GRIK2: variants seen among roughly 807,000 people sequenced by gnomAD.
GRIK2 encodes glutamate ionotropic receptor kainate type subunit 2.
GRIK2 carries 32 observed loss-of-function variants against 100.3 expected under a neutral mutation model. The ratio of observed to expected loss-of-function variants is 0.32; its 90% CI spans 0.24 to 0.43. The LOEUF (loss-of-function observed/expected upper bound fraction) is 0.43. Among genes scored for constraint, GRIK2 ranks in the 20% least tolerant of loss-of-function variants. GRIK2 has a pLI of 1.00. For synonymous variants in GRIK2, 417 were observed against 389.4 expected, an observed-to-expected ratio of 1.07 and a Z score of -0.83; for missense variants, 843 against 1,114.9, an observed-to-expected ratio of 0.76 and a Z score of 3.47.
chr6:101,829,301 A>G (rs1220827597), intron 10 of GRIK2, among the ~76,000 whole-genome samples: 1 of 152,016 alleles, frequency 6.6e-6, no homozygotes, highest in Non-Finnish European at 1.5e-5. Flanking sequence ...CTGACTGGGG[A>G]AAGGTTGGAA....
intron 14 of GRIK2, among the ~76,000 whole-genome samples, chr6:102,000,304 G>T (rs1794872147): frequency 7.0e-6 from 1 of 142,154 alleles, no homozygotes; most frequent in Admixed American, 7.2e-5. Context: ...GATACGGAGG[G>T]TACACATGCA....
In GRIK2 at chr6:101,848,138, A is replaced by G. The variant is rs117393345; in HGVS notation, c.1318-11149A>G. Among the ~76,000 whole-genome samples, 150 of 152,216 alleles carry G rather than the reference A, an allele frequency of 9.9e-4. 1 individual carries two copies. In the East Asian group the frequency reaches 0.027, roughly 27 times the overall value. On this transcript the variant is annotated intron_variant, in intron 10 of 16. Transcript: ENST00000369134. ...ACCTGCATCAGGAATGCAGGCTACT[A>G]TCTTCAAGACTGTTGTGGAGCTGAG...
In GRIK2 at chr6:101,922,054, T is replaced by TCTTCCTTCCTACCTTTCTCCATTTC. The variant is rs147788609; in HGVS notation, c.1749-2536_1749-2512dup. Among the ~76,000 whole-genome samples the TCTTCCTTCCTACCTTTCTCCATTTC allele has an allele frequency of 9.6e-3, 1,249 of 130,134 alleles. 146 individuals are homozygous for TCTTCCTTCCTACCTTTCTCCATTTC. The highest frequency in any genetic ancestry group is 0.024 in the Middle Eastern group (6 of 246). 85.4% of individuals were successfully genotyped at this position (130,134 alleles called of 152,430 possible). On this transcript the variant is annotated intron_variant, in intron 12 of 16. Coordinates refer to ENST00000369134, the MANE Select transcript of GRIK2 (RefSeq NM_021956.5). ...GAAACCAGTGTCAGTGTTCCCAGAT[T>TCTTCCTTCCTACCTTTCTCCATTTC]CTTCCTTCCTACCTTTCTCCATTTC...
intron 14 of GRIK2, among the ~76,000 whole-genome samples, chr6:101,934,110 A>G (rs376872456): frequency 2.6e-5 from 4 of 151,838 alleles, no homozygotes; most frequent in Admixed American, 6.6e-5. Flanking sequence ...GGAAGCAATT[A>G]TCATTATGCT....
intron 5 of GRIK2, among the ~76,000 whole-genome samples, chr6:101,678,843 T>A (rs1033854315): frequency 1.6e-4 from 25 of 152,324 alleles, no homozygotes; most frequent in African/African-American, 6.0e-4. Context: ...TTGTGTAATT[T>A]ATTTAATTTA....
intron 2 of GRIK2, among the ~76,000 whole-genome samples, chr6:101,495,286 A>T (rs1031614471): frequency 2.0e-5 from 3 of 151,782 alleles, no homozygotes; most frequent in Non-Finnish European, 4.4e-5. Flanking sequence ...CGGGTGGATC[A>T]CGAGGTTAGG....
chr6:101,409,832 G>A (rs972032388), intron 2 of GRIK2, among the ~76,000 whole-genome samples: 3 of 151,590 alleles, frequency 2.0e-5, no homozygotes, highest in Admixed American at 2.0e-4. Context: ...GTGTATGTGT[G>A]GAATAAAATA....
intron 2 of GRIK2, among the ~76,000 whole-genome samples, chr6:101,408,401 G>A (rs1007121173): frequency 3.3e-5 from 5 of 151,402 alleles, no homozygotes; most frequent in African/African-American, 1.2e-4. Context: ...AGAGAGAAGA[G>A]GAGGGTGTGG....
chr6:101,828,200 A>T (rs959486085), intron 10 of GRIK2, among the ~76,000 whole-genome samples: 3 of 151,996 alleles, frequency 2.0e-5, no homozygotes, highest in African/African-American at 7.2e-5. Context: ...CAATGAAATT[A>T]AGGGAGAAAT....
chr6:101,832,766 A>G (rs1782787299), intron 10 of GRIK2, among the ~76,000 whole-genome samples: 1 of 152,298 alleles, frequency 6.6e-6, no homozygotes, highest in South Asian at 2.1e-4. Context: ...ACAGGTGCCC[A>G]TTATTATAAA....
At chr6:101,792,190 G>T (rs1779920274) in intron 7 of GRIK2, among the ~76,000 whole-genome samples, 1 of 151,486 alleles carries the variant, frequency 6.6e-6, no homozygotes, top group African/African-American at 2.4e-5. Context: ...TTTAATTGGA[G>T]CATTTAGCCC....
intron 14 of GRIK2, among the ~76,000 whole-genome samples, chr6:101,980,072 T>G (rs2128488960): frequency 6.6e-6 from 1 of 152,004 alleles, no homozygotes; most frequent in South Asian, 2.1e-4. Context: ...GAAAGGATGC[T>G]GGTGAGCGGG....
chr6:101,612,161 TGAGGATGCTA>T (rs1364902977), intron 2 of GRIK2, among the ~76,000 whole-genome samples: 1 of 151,860 alleles, frequency 6.6e-6, no homozygotes, highest in East Asian at 1.9e-4. Flanking sequence ...AGGAAGGCAC[TGAGGATGCTA>T]GACCTGTTTC....
At chr6:101,714,060 T>C (rs1259253784) in intron 7 of GRIK2, among the ~76,000 whole-genome samples, 1 of 151,910 alleles carries the variant, frequency 6.6e-6, no homozygotes, top group African/African-American at 2.4e-5. Context: ...TTCTTTCTTA[T>C]ATTAAAATGC....
intron 7 of GRIK2, among the ~76,000 whole-genome samples, chr6:101,688,435 A>G (rs1192565249): frequency 6.6e-6 from 1 of 151,964 alleles, no homozygotes; most frequent in African/African-American, 2.4e-5. Context: ...GTGGCAACTT[A>G]TGTAAACTAT....
chr6:101,799,791 G>A lies in GRIK2; in HGVS notation c.1095G>A (p.Glu365=). 1 of 1,611,452 alleles carries A rather than the reference G, an allele frequency of 6.2e-7. No individual in the cohort carries two copies. The highest frequency in any genetic ancestry group is 8.5e-7 in the Non-Finnish European group (1 of 1,177,894). Residue 365 remains glutamate, a splice_region_variant and synonymous_variant, in exon 8 of 17, where the codon GAG becomes GAA. Coordinates refer to ENST00000369134, the MANE Select transcript of GRIK2 (RefSeq NM_021956.5). ...CCCGCTTTATGAGTCTAATTAAAGA[G>A]GTAAGTTAGGAGAAGAACATCTGCC... is the stretch of plus-strand genomic sequence containing the variant. ...FGTRFMSLIK[E]AHWEGLTGRI...
At chr6:101,509,157 C>CTAA (rs1774176913) in intron 2 of GRIK2, among the ~76,000 whole-genome samples, 1 of 100,312 alleles carries the variant, frequency 1.0e-5, no homozygotes, top group Non-Finnish European at 2.1e-5. Context: ...GACTCTGTCT[C>CTAA]AAAAAAAAAA....
At chr6:101,727,464 T>A (rs1774950892) in intron 7 of GRIK2, among the ~76,000 whole-genome samples, 1 of 152,108 alleles carries the variant, frequency 6.6e-6, no homozygotes, top group South Asian at 2.1e-4. Flanking sequence ...AGACTCCATG[T>A]GGGCAACCTG....
At chr6:101,468,590 GTAGTTTT>G (rs1771782909) in intron 2 of GRIK2, among the ~76,000 whole-genome samples, 1 of 152,070 alleles carries the variant, frequency 6.6e-6, no homozygotes, top group Admixed American at 6.5e-5. Context: ...GTTGCCTCTT[GTAGTTTT>G]TAGTTTGCTT....
Sources: allele counts gnomAD v4.1 joint callset (sites outside exome capture counted in the v4.1 genomes callset), GRCh38; gene constraint gnomAD v4.1.1; transcripts MANE v1.5; gene names NCBI Gene and HGNC (gene_info 2026-07-23, HGNC 2026-07-21).